The following UNK variants were observed in gnomAD, a reference collection of about 807,000 sequenced individuals.
The protein encoded by UNK is RING finger protein unkempt homolog.
In UNK, 32 loss-of-function variants were observed where a neutral mutation model predicts 97.6. The observed-to-expected ratio is 0.33, with a 90% CI of 0.25 to 0.44. The LOEUF is 0.44. Ranked by LOEUF, UNK falls within the 20% of genes least tolerant of loss-of-function variation. The pLI is 1.00. For missense variants in UNK, 771 were observed against 1,098.4 expected (o/e 0.70, Z 4.21); for synonymous variants, 441 against 461.2 (o/e 0.96, Z 0.56).
intron 1 of UNK, among the ~76,000 whole-genome samples, chr17:75,788,054 G>A (rs1172655982): frequency 1.3e-5 from 2 of 152,096 alleles, no homozygotes; most frequent in Non-Finnish European, 2.9e-5. Context: ...TGCTTGGGAG[G>A]TAAACAGTGG....
chr17:75,822,598 G>A lies in UNK; in HGVS notation c.1959G>A (p.Glu653=). 2 of 1,613,292 alleles carry A rather than the reference G, an allele frequency of 1.2e-6. No homozygotes were observed. The highest frequency in any genetic ancestry group is 1.1e-5 in the South Asian group (1 of 90,974). Residue 653 remains glutamate, a synonymous_variant, in exon 14 of 16, where the codon GAG becomes GAA. Coordinates refer to ENST00000589666, the MANE Select transcript of UNK (RefSeq NM_001080419.3). Reference sequence around the variant, plus strand: ...CCGAGCTGGCCCGACTTCGGCAAGAGCTGGATGAAGCCAACAGCACCATCA... The same window carrying A: ...CCGAGCTGGCCCGACTTCGGCAAGAACTGGATGAAGCCAACAGCACCATCA... ...GAAELARLRQ[E]LDEANSTIKQ... is the part of the protein sequence containing the mutation.
At chr17:75,810,780 G>A (rs2061961670) in intron 2 of UNK, among the ~76,000 whole-genome samples, 1 of 151,854 alleles carries the variant, frequency 6.6e-6, no homozygotes, top group Admixed American at 6.6e-5. Flanking sequence ...GGGACTGCAG[G>A]CGTGCACCAC....
chr17:75,813,851 C>G lies in UNK; in HGVS notation c.849C>G (p.Thr283=), dbSNP rs1337025466. 6.3e-7 allele frequency: 1 copy of G among 1,595,450 alleles called. No individual in the cohort carries two copies. Among genetic ancestry groups the G allele is most frequent in the Admixed American group, 1.7e-5 (1 of 57,328 alleles). ...ENGDACQYCH[T]RTEQQFHPEI... is the part of the protein sequence containing the mutation. ...GAGACGCCTGCCAGTACTGCCACAC[C>G]CGCACCGAGCAGCAGTTCCACCCCG... Residue 283 remains threonine (T), a synonymous_variant, in exon 6 of 16, where the codon ACC becomes ACG. Coordinates refer to ENST00000589666, the MANE Select transcript of UNK (RefSeq NM_001080419.3).
rs577837659 is a variant in UNK, at chr17:75,787,964, C to A, written c.104+2980C>A. On this transcript the variant is annotated intron_variant, in intron 1 of 15. Transcript: ENST00000589666. Reference sequence around the variant, plus strand: ...CACCATACCTGCTTCCCTCCACCCCCATAAGGTGAATTCATTTATTGCCCT... The same window carrying A: ...CACCATACCTGCTTCCCTCCACCCCAATAAGGTGAATTCATTTATTGCCCT... 1.1e-4 allele frequency among the ~76,000 whole-genome samples: 16 copies of A among 152,092 alleles called. No individual in the cohort carries two copies. In the South Asian group the frequency reaches 2.7e-3, roughly 26 times the overall value.
chr17:75,800,201 T>C (rs2061843098), intron 1 of UNK, among the ~76,000 whole-genome samples: 1 of 152,078 alleles, frequency 6.6e-6, no homozygotes, highest in Admixed American at 6.5e-5. Flanking sequence ...CCTGAGTAGC[T>C]GGGACTATAG....
At chr17:75,823,743 G>A (rs1333639256) in intron 15 of UNK, among the ~76,000 whole-genome samples, 1 of 152,174 alleles carries the variant, frequency 6.6e-6, no homozygotes, top group Non-Finnish European at 1.5e-5. Context: ...GCCACCCCCA[G>A]CACCCCTGAG....
At chr17:75,792,707 G>C in intron 1 of UNK, 1 of 158,442 alleles carries the variant, frequency 6.3e-6, no homozygotes. Flanking sequence ...GGGTGATTTT[G>C]GGAGTGATGG....
chr17:75,801,070 A>AT (rs1416175390), intron 1 of UNK, among the ~76,000 whole-genome samples: 1 of 150,954 alleles, frequency 6.6e-6, no homozygotes, highest in African/African-American at 2.4e-5. Flanking sequence ...CGCCCGGCTA[A>AT]TTTTTTGTAT....
chr17:75,813,917 G>A (rs758458798), intron 6 of UNK, 39 bp downstream of exon 6: 5 of 1,520,072 alleles, frequency 3.3e-6, no homozygotes, highest in African/African-American at 1.4e-5. Context: ...GCTTTGGGAA[G>A]TAAGGAGAGA....
rs761056881 is a variant in UNK, at chr17:75,819,778, C to T, written c.1641C>T (p.Ile547=). Residue 547 remains isoleucine, a synonymous_variant, in exon 12 of 16, where the codon ATC becomes ATT. Coordinates refer to ENST00000589666, the MANE Select transcript of UNK (RefSeq NM_001080419.3). The surrounding 1 kb of genome is among the most constrained non-coding windows in gnomAD (Gnocchi z 5.4). ...GCACAGTGCCCCACCCAGGAAGCAT[C>T]ACCATCGGTACTGGGTGTGGGTGGG... ...DNSTVPHPGS[I]TIGGSLLQSS... is the part of the protein sequence containing the mutation. 1.9e-6 allele frequency: 3 copies of T among 1,613,826 alleles called. No individual in the cohort carries two copies. The highest frequency in any genetic ancestry group is 2.5e-6 in the Non-Finnish European group (3 of 1,179,892).
intron 7 of UNK, among the ~76,000 whole-genome samples, chr17:75,815,807 A>G (rs1599384665): frequency 6.6e-6 from 1 of 151,654 alleles, no homozygotes; most frequent in African/African-American, 2.4e-5. Context: ...AATCACTTGA[A>G]CCCAGGAAGC....
Position 75,816,437 on chromosome 17 carries a change from A to C in UNK, c.962-333A>C, listed in dbSNP as rs1426376679. Among the ~76,000 whole-genome samples the C allele has an allele frequency of 6.6e-6, 1 of 152,226 alleles. No homozygotes were observed. ...AGTGATTCAGGCTTTGGAGTTGTAC[A>C]GATCAGCGTTCAAGACCCAGCTCCT... On this transcript the variant is annotated intron_variant, in intron 7 of 15. Coordinates refer to ENST00000589666, the MANE Select transcript of UNK (RefSeq NM_001080419.3). This position sits in a 1 kb window ranked among gnomAD's most constrained non-coding sequence, Gnocchi z 4.0.
At chr17:75,804,324 G>A (rs892540519) in intron 1 of UNK, among the ~76,000 whole-genome samples, 5 of 152,054 alleles carry the variant, frequency 3.3e-5, no homozygotes, top group South Asian at 2.1e-4. Context: ...GTGTGGTAGC[G>A]CATGCCTGTA....
In UNK at chr17:75,822,790, C is replaced by A. The variant is rs576427282; in HGVS notation, c.2019+132C>A. On this transcript the variant is annotated intron_variant, in intron 14 of 15. Transcript: ENST00000589666. Reference sequence around the variant, plus strand: ...AACAGAGCAGAAACTCAGTTTTGTTCGCTCGCTCTCCCCCTGGGAGGACTC... The same window carrying A: ...AACAGAGCAGAAACTCAGTTTTGTTAGCTCGCTCTCCCCCTGGGAGGACTC... 4 of 1,186,124 alleles carry A rather than the reference C, an allele frequency of 3.4e-6. No homozygotes were observed. In the African/African-American group the frequency reaches 4.7e-5, roughly 14 times the overall value. 73.5% of individuals were successfully genotyped at this position (1,186,124 alleles called of 1,614,324 possible).
chr17:75,812,683 A>G (rs1259132137), intron 4 of UNK, 98 bp downstream of exon 4: 2 of 1,498,328 alleles, frequency 1.3e-6, no homozygotes, highest in African/African-American at 2.8e-5. Context: ...GCTCTAGCCG[A>G]GGCCCCGACC....
In UNK at chr17:75,818,158, A is replaced by T; in HGVS notation, c.1361A>T (p.Gln454Leu). Reference protein sequence around the residue: ...EPRSQEQPLLQPKQDMLGILP... With the variant: ...EPRSQEQPLLLPKQDMLGILP... ...AGGAGTCAAGAGCAGCCTCTGCTTC[A>T]GCCCAAACAGGTATAGAGCTCTCAG... Residue 454 changes from glutamine to leucine, a missense_variant, in exon 10 of 16, where the codon CAG becomes CTG. Gln to Leu is a moderately radical substitution (Grantham distance 113, BLOSUM62 -2). Coordinates refer to ENST00000589666, the MANE Select transcript of UNK (RefSeq NM_001080419.3). This position sits in a 1 kb window ranked among gnomAD's most constrained non-coding sequence, Gnocchi z 5.1. 6.2e-7 allele frequency: 1 copy of T among 1,613,580 alleles called. No individual in the cohort carries two copies. The highest frequency in any genetic ancestry group is 1.1e-5 in the South Asian group (1 of 91,080).
intron 1 of UNK, chr17:75,793,836 C>A: frequency 1.0e-6 from 1 of 985,374 alleles, no homozygotes; most frequent in African/African-American, 1.7e-5. Context: ...CAAGTCTACC[C>A]CCACATAAGA....
rs1431039574 is a variant in UNK at position 75,810,053 on chromosome 17, G to A, written c.314+84G>A. On this transcript the variant is annotated intron_variant, in intron 2 of 15. Coordinates refer to ENST00000589666, the MANE Select transcript of UNK (RefSeq NM_001080419.3). The stretch of plus-strand genomic sequence containing the variant: ...TCAGGGTAGGCTGGGCAGATTCTGG[G>A]AAGCCATCCAGAGGACTGGTTGCAG... The A allele has an allele frequency of 2.0e-6, 3 of 1,528,002 alleles. No individual in the cohort carries two copies. The Admixed American group carries it at 5.4e-5, about 27-fold the overall frequency. 94.7% of individuals were successfully genotyped at this position (1,528,002 alleles called of 1,614,324 possible).
rs768629036 is a variant in UNK, at chr17:75,784,997, C to G, written c.104+13C>G. The G allele has an allele frequency of 1.9e-5, 21 of 1,122,590 alleles. No individual in the cohort carries two copies. The highest frequency in any genetic ancestry group is 6.4e-5 in the South Asian group (3 of 47,146). 69.5% of individuals were successfully genotyped at this position (1,122,590 alleles called of 1,614,324 possible). A position where few individuals can be genotyped will look rare whatever the true frequency, so the allele number is the denominator to read the frequency against. On this transcript the variant is annotated intron_variant, in intron 1 of 15. Coordinates refer to ENST00000589666, the MANE Select transcript of UNK (RefSeq NM_001080419.3). ...CGCAGCACTACACGTACGTAGAGCCCCCCCCCCCCCGCCGCGCGCGCACGC... is the reference window on the plus strand; with the variant it reads ...CGCAGCACTACACGTACGTAGAGCCGCCCCCCCCCCGCCGCGCGCGCACGC...
Sources: gnomAD v4.1 joint callset for allele counts (sites outside exome capture counted in the v4.1 genomes callset) on GRCh38, gnomAD v4.1.1 for gene constraint, Gnocchi (gnomAD v3.1) non-coding constraint, MANE v1.5 for transcripts, NCBI Gene and HGNC (gene_info 2026-07-23, HGNC 2026-07-21) for gene names.